ENPEP: variants seen among roughly 807,000 people sequenced by gnomAD.
The protein encoded by ENPEP is glutamyl aminopeptidase, also known as AP-A.
A neutral mutation model predicts 114.5 loss-of-function variants in ENPEP; 103 were observed. The ratio of observed to expected loss-of-function variants is 0.90; its 90% CI spans 0.77 to 1.06. The LOEUF (loss-of-function observed/expected upper bound fraction) is 1.06, where lower values mean the gene tolerates loss of function less well. Among genes scored for constraint, ENPEP ranks in the 50% least tolerant of loss-of-function variants. ENPEP has a pLI of 0.00. For synonymous variants in ENPEP, 420 were observed against 422.0 expected, an observed-to-expected ratio of 1.00 and a Z score of 0.06; for missense variants, 1,196 against 1,161.3, an observed-to-expected ratio of 1.03 and a Z score of -0.43.
At position 110,488,581 on chromosome 4, in the gene ENPEP, A is replaced by G; in HGVS notation, c.685A>G (p.Lys229Glu). 3 of 1,613,892 alleles carry G rather than the reference A, an allele frequency of 1.9e-6. No homozygotes were observed. Among genetic ancestry groups the G allele is most frequent in the Non-Finnish European group, 2.5e-6 (3 of 1,179,940 alleles). ...CGATCATGAACCAACAGATGCCAGG[A>G]AATCTTTTCCTTGTTTTGATGAGCC... ...ATDHEPTDAR[K>E]SFPCFDEPNK... Residue 229 changes from lysine to glutamate, a missense_variant, in exon 2 of 20, where the codon AAA becomes GAA. Lys to Glu is a moderately conservative substitution (Grantham distance 56). Coordinates refer to ENST00000265162, the MANE Select transcript of ENPEP (RefSeq NM_001977.4).
chr4:110,481,088 C>A (rs1482975325), intron 1 of ENPEP, among the ~76,000 whole-genome samples: 1 of 152,168 alleles, frequency 6.6e-6, no homozygotes. Flanking sequence ...GCTTACTTAG[C>A]ACTTCCCAAA....
At chr4:110,561,276 T>C (rs989203471) in intron 19 of ENPEP, 130 bp from the exon 20 acceptor site, 16 of 896,174 alleles carry the variant, frequency 1.8e-5, no homozygotes, top group Non-Finnish European at 2.8e-5. Flanking sequence ...GCGCCAGAGG[T>C]GTAGCTCAAC....
At chr4:110,544,490 A>G (rs1726976120) in intron 13 of ENPEP, among the ~76,000 whole-genome samples, 2 of 152,144 alleles carry the variant, frequency 1.3e-5, no homozygotes, top group South Asian at 2.1e-4. Context: ...GATTATTTTC[A>G]CTATATTACA....
In ENPEP at chr4:110,542,769, C is replaced by T. The variant is rs746857276; in HGVS notation, c.1826C>T (p.Ser609Phe). The change falls in exon 12 of 20, where the codon TCT becomes TTT. Residue 609 changes from serine (S) to phenylalanine (F), a missense_variant. Ser to Phe is a radical substitution (Grantham distance 155). Coordinates refer to ENST00000265162, the MANE Select transcript of ENPEP (RefSeq NM_001977.4). ...SEKEGITLNSSNPSGNAFLKI... is the reference protein window; with the variant it reads ...SEKEGITLNSFNPSGNAFLKI... ...ACTACAGGAATCACTTTGAACTCCTCTAATCCTAGTGGAAATGCTTTTCTC... is the reference window on the plus strand; with the variant it reads ...ACTACAGGAATCACTTTGAACTCCTTTAATCCTAGTGGAAATGCTTTTCTC... The T allele has an allele frequency of 3.7e-6, 6 of 1,612,578 alleles. No homozygotes were observed. The highest frequency in any genetic ancestry group is 1.1e-5 in the South Asian group (1 of 91,010).
chr4:110,562,994 C>T lies in ENPEP; in HGVS notation c.*1436C>T, dbSNP rs926073231. On this transcript the variant is annotated 3_prime_UTR_variant, in exon 20 of 20. Transcript: ENST00000265162. ...GTTTCTTAATTATCACTTCTCAATC[C>T]GTACAGCCAAACTAGTAAATTCAAA... The T allele has an allele frequency of 7.9e-5, 12 of 152,036 alleles. No homozygotes were observed. Among genetic ancestry groups the T allele is most frequent in the Middle Eastern group, 3.2e-3 (1 of 316 alleles). The allele number at this position is 152,036 out of a possible 1,614,324, so 9.4% of individuals were successfully genotyped here. A position where few individuals can be genotyped will look rare whatever the true frequency, so the allele number is the denominator to read the frequency against.
At chr4:110,528,701 T>C (rs1165387338) in intron 10 of ENPEP, among the ~76,000 whole-genome samples, 1 of 152,204 alleles carries the variant, frequency 6.6e-6, no homozygotes, top group Admixed American at 6.5e-5. Flanking sequence ...GTGCCTTTGA[T>C]AGTCCACTCC....
intron 4 of ENPEP, among the ~76,000 whole-genome samples, chr4:110,507,008 A>G (rs1048522232): frequency 1.1e-4 from 17 of 152,334 alleles, no homozygotes; most frequent in African/African-American, 4.1e-4. Flanking sequence ...TTGTGTTTCC[A>G]AATAAAGATG....
intron 1 of ENPEP, among the ~76,000 whole-genome samples, chr4:110,482,423 T>C (rs2110331833): frequency 6.6e-6 from 1 of 152,312 alleles, no homozygotes; most frequent in East Asian, 1.9e-4. Context: ...TCAGATGTGT[T>C]GATGGCTTGT....
At chr4:110,549,137 A>G (rs887272194) in intron 14 of ENPEP, among the ~76,000 whole-genome samples, 4 of 152,120 alleles carry the variant, frequency 2.6e-5, no homozygotes, top group Admixed American at 1.3e-4. Flanking sequence ...ATAAAACATT[A>G]CAGGAAGGTC....
At chr4:110,519,013 ATT>A in intron 8 of ENPEP, 1 of 447,998 alleles carries the variant, frequency 2.2e-6, no homozygotes, top group Non-Finnish European at 4.5e-6. Context: ...ATGATGAATG[ATT>A]TGTGCAACTT....
intron 18 of ENPEP, among the ~76,000 whole-genome samples, chr4:110,556,594 GT>G (rs144238520): frequency 0.079 from 11,989 of 151,440 alleles, 541 homozygotes; most frequent in South Asian, 0.14. Flanking sequence ...ATCCTTTGTT[GT>G]TTTTTTTAAT....
At position 110,513,498 on chromosome 4, in the gene ENPEP, G is replaced by C; in HGVS notation, c.1392G>C (p.Val464=). ...CTTCGCATCCAATTATTGTGACTGT[G>C]ACAACCCCTGATGAAATAACATCTG... ...LMSSHPIIVT[V]TTPDEITSVF... Residue 464 remains valine, a synonymous_variant, in exon 7 of 20, where the codon GTG becomes GTC. Transcript: ENST00000265162. 1 of 1,613,484 alleles carries C rather than the reference G, an allele frequency of 6.2e-7. No homozygotes were observed. The highest frequency in any genetic ancestry group is 8.5e-7 in the Non-Finnish European group (1 of 1,179,614).
chr4:110,506,237 C>T lies in ENPEP; in HGVS notation c.919-400C>T, dbSNP rs182938906. 232 of 153,490 alleles carry T rather than the reference C, an allele frequency of 1.5e-3. 1 individual carries two copies. Among genetic ancestry groups the T allele is most frequent in the African/African-American group, 5.2e-3 (212 of 40,884 alleles). The allele number at this position is 153,490 out of a possible 1,614,324, so 9.5% of individuals were successfully genotyped here. A position where few individuals can be genotyped will look rare whatever the true frequency, so the allele number is the denominator to read the frequency against. ...GACAGAGAAAGAGAAAGAGAAAGAG[C>T]GCGCAAGAGAGAAATTGATAGGTGG... On this transcript the variant is annotated intron_variant, in intron 3 of 19. Coordinates refer to ENST00000265162, the MANE Select transcript of ENPEP (RefSeq NM_001977.4).
intron 10 of ENPEP, among the ~76,000 whole-genome samples, chr4:110,529,301 G>A (rs770917786): frequency 1.8e-4 from 27 of 152,146 alleles, no homozygotes; most frequent in Non-Finnish European, 3.5e-4. Flanking sequence ...GTGCAAGTGA[G>A]GTATATAGGT....
At chr4:110,549,940 C>A in intron 17 of ENPEP, 54 bp downstream of exon 17, 1 of 1,448,702 alleles carries the variant, frequency 6.9e-7, no homozygotes. Flanking sequence ...GTTTATGTGT[C>A]ACAGTCTCTT....
intron 11 of ENPEP, among the ~76,000 whole-genome samples, chr4:110,536,883 G>C (rs1463615355): frequency 6.6e-6 from 1 of 152,136 alleles, no homozygotes; most frequent in Admixed American, 6.5e-5. Context: ...TTGGTGCCAA[G>C]CCACGCAATA....
chr4:110,506,147 T>G (rs1725360842), intron 3 of ENPEP: 1 of 152,498 alleles, frequency 6.6e-6, no homozygotes, highest in Admixed American at 6.5e-5. Context: ...AGGGGCTCTT[T>G]GCATGAGAAA....
At chr4:110,479,830 T>G (rs775056864) in intron 1 of ENPEP, among the ~76,000 whole-genome samples, 1 of 152,052 alleles carries the variant, frequency 6.6e-6, no homozygotes, top group African/African-American at 2.4e-5. Flanking sequence ...CATCAAAATA[T>G]TTATAAAATA....
chr4:110,528,769 G>A (rs955204482), intron 10 of ENPEP, among the ~76,000 whole-genome samples: 4 of 152,146 alleles, frequency 2.6e-5, no homozygotes, highest in Admixed American at 2.0e-4. Context: ...ATCAAAGTCA[G>A]TTTCCTTAGA....
Sources: allele counts gnomAD v4.1 joint callset (sites outside exome capture counted in the v4.1 genomes callset), GRCh38; gene constraint gnomAD v4.1.1; transcripts MANE v1.5; gene names NCBI Gene and HGNC (gene_info 2026-07-23, HGNC 2026-07-21).